Variants in GATAD1 observed in about 807,000 individuals in gnomAD.
The protein encoded by GATAD1 is GATA zinc finger domain-containing protein 1.
GATAD1 carries 12 observed loss-of-function variants against 26.5 expected under a neutral mutation model. The ratio of observed to expected loss-of-function variants is 0.45; its 90% CI spans 0.29 to 0.73. The LOEUF is 0.73. Ranked by LOEUF, GATAD1 falls within the 30% of genes least tolerant of loss-of-function variation. GATAD1 has a pLI of 0.10. For synonymous variants in GATAD1, 129 were observed against 133.1 expected (o/e 0.97, Z 0.21); for missense variants, 266 against 342.1 (o/e 0.78, Z 1.75).
At chr7:92,489,621 T>C in the GATAD1 span, 4 of 1,191,234 alleles carry the variant, frequency 3.4e-6, no homozygotes, top group African/African-American at 1.5e-5. Flanking sequence ...TTTATAAATA[T>C]AGCTCGTTTA....
the GATAD1 span, among the ~76,000 whole-genome samples, chr7:92,473,706 C>T: frequency 2.6e-5 from 4 of 151,796 alleles, no homozygotes; most frequent in Admixed American, 6.6e-5. Context: ...AGTGACTGCC[C>T]GTCTTAGGAC....
rs1476093208 is a variant in GATAD1 at position 92,447,700 on chromosome 7, C to T, written c.-30C>T. 10 of 1,430,674 alleles carry T rather than the reference C, an allele frequency of 7.0e-6. No homozygotes were observed. The highest frequency in any genetic ancestry group is 8.2e-6 in the Non-Finnish European group (9 of 1,091,418). The allele number at this position is 1,430,674 out of a possible 1,614,324, so 88.6% of individuals were successfully genotyped here. ...ACCGTCCGCCATTCCCGTGTCTCTG[C>T]GCCCGCGGGGGCCGCCCGAGCCGGC... On this transcript the variant is annotated 5_prime_UTR_variant, in exon 1 of 5. Coordinates refer to ENST00000287957, the MANE Select transcript of GATAD1 (RefSeq NM_021167.5).
the GATAD1 span, chr7:92,492,843 C>T: frequency 1.2e-6 from 1 of 836,246 alleles, no homozygotes. Flanking sequence ...TGTTTCTATA[C>T]AGTTTTACCA....
chr7:92,460,509 C>T (rs1257124416), downstream of GATAD1, among the ~76,000 whole-genome samples: 3 of 152,118 alleles, frequency 2.0e-5, no homozygotes, highest in Admixed American at 6.5e-5. Flanking sequence ...TATTTAAGCA[C>T]CTCTTAATGG....
Position 92,447,589 on chromosome 7 carries a change from G to A in GATAD1, c.-141G>A. The A allele has an allele frequency of 2.6e-6, 3 of 1,150,498 alleles. No homozygotes were observed. Among genetic ancestry groups the A allele is most frequent in the Non-Finnish European group, 3.4e-6 (3 of 891,456 alleles). 71.3% of individuals were successfully genotyped at this position (1,150,498 alleles called of 1,614,324 possible). A position where few individuals can be genotyped will look rare whatever the true frequency, so the allele number is the denominator to read the frequency against. ...TCCACGGGGCAGCGCCAGCGGCCTG[G>A]TCCTTTCACCGGCAGCTCCGTGCCG... On this transcript the variant is annotated 5_prime_UTR_variant, in exon 1 of 5. Coordinates refer to ENST00000287957, the MANE Select transcript of GATAD1 (RefSeq NM_021167.5).
the GATAD1 span, among the ~76,000 whole-genome samples, chr7:92,479,876 C>T: frequency 6.6e-6 from 1 of 152,188 alleles, no homozygotes; most frequent in East Asian, 1.9e-4. Flanking sequence ...AAACGGAAGA[C>T]ACAAGGTCCG....
chr7:92,456,509 G>A lies in GATAD1; in HGVS notation c.757G>A (p.Val253Ile). 6.2e-7 allele frequency: 1 copy of A among 1,613,374 alleles called. No homozygotes were observed. The highest frequency in any genetic ancestry group is 8.5e-7 in the Non-Finnish European group (1 of 1,179,492). The change falls in exon 5 of 5, where the codon GTT (valine) becomes ATT (isoleucine). Residue 253 changes from valine (V) to isoleucine (I), a missense_variant. Coordinates refer to ENST00000287957, the MANE Select transcript of GATAD1 (RefSeq NM_021167.5). ...RPEKGYIWTH[V>I]GPTPAITIKE... is the part of the protein sequence containing the mutation. Reference sequence around the variant, plus strand: ...AGAGAAGGGCTACATATGGACTCATGTTGGGCCTACTCCTGCAATAACAAT... The same window carrying A: ...AGAGAAGGGCTACATATGGACTCATATTGGGCCTACTCCTGCAATAACAAT...
At chr7:92,483,902 A>G in the GATAD1 span, among the ~76,000 whole-genome samples, 1 of 152,122 alleles carries the variant, frequency 6.6e-6, no homozygotes, top group Non-Finnish European at 1.5e-5. Context: ...GAGAGTTCAG[A>G]TGGGTCTGTA....
the GATAD1 span, chr7:92,494,574 G>T: frequency 1.2e-6 from 2 of 1,613,926 alleles, no homozygotes; most frequent in Non-Finnish European, 1.7e-6. Flanking sequence ...CCCCGCCGAG[G>T]AGCAATGGAT....
chr7:92,487,675 T>A, the GATAD1 span: 1 of 467,276 alleles, frequency 2.1e-6, no homozygotes, highest in Non-Finnish European at 3.8e-6. Flanking sequence ...AAAATTCCAG[T>A]CACAGAAATT....
chr7:92,480,522 G>C, the GATAD1 span, among the ~76,000 whole-genome samples: 1 of 152,216 alleles, frequency 6.6e-6, no homozygotes, highest in East Asian at 1.9e-4. Flanking sequence ...GGTTCTAAGA[G>C]GTGGACTAGT....
the GATAD1 span, chr7:92,494,543 G>A: frequency 3.7e-6 from 6 of 1,613,704 alleles, no homozygotes; most frequent in Admixed American, 1.7e-5. Flanking sequence ...TACTCGGTCT[G>A]TAACTCCTGT....
At chr7:92,448,621 A>G (rs1789279745) in intron 1 of GATAD1, 131 bp from the exon 2 acceptor site, 1 of 739,270 alleles carries the variant, frequency 1.4e-6, no homozygotes, top group Non-Finnish European at 2.3e-6. Context: ...TGAAAAGCAA[A>G]AGGGCAATCT....
intron 1 of GATAD1, 55 bp downstream of exon 1, chr7:92,448,033 G>T (rs1406050730): frequency 8.5e-7 from 1 of 1,180,926 alleles, no homozygotes; most frequent in Non-Finnish European, 1.1e-6. Context: ...CTAGGCGGGC[G>T]GGGACGGGCT....
At chr7:92,494,077 C>G in the GATAD1 span, 1 of 525,950 alleles carries the variant, frequency 1.9e-6, no homozygotes, top group Non-Finnish European at 3.4e-6. Context: ...TCAGCCAACA[C>G]AGAAGGATTA....
rs1349136730 is a variant in GATAD1 at position 92,459,231 on chromosome 7, A to T, written c.*2669A>T. 6.6e-6 allele frequency: 1 copy of T among 152,130 alleles called. No homozygotes were observed. The highest frequency in any genetic ancestry group is 1.5e-5 in the Non-Finnish European group (1 of 68,026). 9.4% of individuals were successfully genotyped at this position (152,130 alleles called of 1,614,324 possible). ...ACGGCATGACTCCATCTCCAAAAAA[A>T]AAAAAAAAAGATTTTGGAGTAGATT... On this transcript the variant is annotated 3_prime_UTR_variant, in exon 5 of 5. Transcript: ENST00000287957.
At chr7:92,484,015 C>T in the GATAD1 span, among the ~76,000 whole-genome samples, 3 of 152,210 alleles carry the variant, frequency 2.0e-5, no homozygotes, top group East Asian at 5.8e-4. Context: ...GGAGCAGAGA[C>T]TAGGGAGGGA....
downstream of GATAD1, among the ~76,000 whole-genome samples, chr7:92,462,136 GTGGACCAAAAAA>G (rs1180252414): frequency 1.3e-5 from 2 of 152,096 alleles, no homozygotes; most frequent in Non-Finnish European, 2.9e-5. Flanking sequence ...GATTTAAAAT[GTGGACCAAAAAA>G]TGGGTATAAA....
chr7:92,449,749 G>T (rs896185351), intron 2 of GATAD1: 3 of 330,058 alleles, frequency 9.1e-6, no homozygotes, highest in Non-Finnish European at 1.3e-5. Context: ...TGCAGAATGT[G>T]CAGGTTTGTT....
Sources: gnomAD v4.1 joint callset for allele counts (sites outside exome capture counted in the v4.1 genomes callset) on GRCh38, gnomAD v4.1.1 for gene constraint, MANE v1.5 for transcripts, NCBI Gene and HGNC (gene_info 2026-07-23, HGNC 2026-07-21) for gene names.